The following IGFL4 variants were observed in gnomAD, a reference collection of about 807,000 sequenced individuals.
The protein encoded by IGFL4 is insulin growth factor-like family member 4.
In IGFL4, 12 loss-of-function variants were observed where a neutral mutation model predicts 15.4. The observed-to-expected ratio is 0.78, with a 90% CI of 0.50 to 1.26. IGFL4 has a LOEUF of 1.26. Ranked by LOEUF, IGFL4 falls within the 50% of genes most tolerant of loss-of-function variation. The pLI is 0.00. For missense variants in IGFL4, 126 were observed against 147.8 expected, an observed-to-expected ratio of 0.85 and a Z score of 0.76; for synonymous variants, 54 against 55.9, an observed-to-expected ratio of 0.97 and a Z score of 0.16.
intron 2 of IGFL4, among the ~76,000 whole-genome samples, chr19:46,053,044 C>G (rs1177375315): frequency 2.0e-5 from 3 of 151,334 alleles, no homozygotes; most frequent in African/African-American, 7.3e-5. Flanking sequence ...GGAGGCCCAT[C>G]TGTTTCTGTA....
intron 1 of IGFL4, among the ~76,000 whole-genome samples, chr19:46,064,750 A>G (rs888113087): frequency 3.3e-5 from 5 of 152,222 alleles, no homozygotes; most frequent in Non-Finnish European, 7.3e-5. Flanking sequence ...ACAGTGCTAC[A>G]ACAAATATGG....
intron 1 of IGFL4, among the ~76,000 whole-genome samples, chr19:46,072,205 G>T (rs933756380): frequency 8.5e-5 from 13 of 152,246 alleles, no homozygotes; most frequent in Admixed American, 1.3e-4. Context: ...AAGTCACAGA[G>T]TGAACACCTG....
chr19:46,063,396 C>G (rs1969465151), intron 1 of IGFL4, among the ~76,000 whole-genome samples: 1 of 151,736 alleles, frequency 6.6e-6, no homozygotes, highest in African/African-American at 2.4e-5. Context: ...TCTTTTATGT[C>G]ATCACTAACT....
chr19:46,075,680 T>C (rs1969589012), intron 1 of IGFL4, among the ~76,000 whole-genome samples: 1 of 152,200 alleles, frequency 6.6e-6, no homozygotes, highest in Non-Finnish European at 1.5e-5. Flanking sequence ...GTGGTATTTT[T>C]CTCCAGCGTA....
At chr19:46,068,854 A>G (rs1969519281) in intron 1 of IGFL4, among the ~76,000 whole-genome samples, 1 of 152,246 alleles carries the variant, frequency 6.6e-6, no homozygotes, top group South Asian at 2.1e-4. Flanking sequence ...GGATTTTGCA[A>G]AAGACACATT....
chr19:46,054,536 T>C (rs1434239065), intron 2 of IGFL4, among the ~76,000 whole-genome samples: 1 of 152,228 alleles, frequency 6.6e-6, no homozygotes, highest in African/African-American at 2.4e-5. Flanking sequence ...GGTCTGGTAG[T>C]GTGATGCTTC....
intron 2 of IGFL4, among the ~76,000 whole-genome samples, chr19:46,049,662 C>T (rs1197391118): frequency 6.6e-6 from 1 of 152,178 alleles, no homozygotes; most frequent in Non-Finnish European, 1.5e-5. Flanking sequence ...TAATGCTGCC[C>T]CCACCTGATT....
At chr19:46,056,756 TTACATC>T (rs1969396545) in intron 2 of IGFL4, among the ~76,000 whole-genome samples, 1 of 152,070 alleles carries the variant, frequency 6.6e-6, no homozygotes, top group Non-Finnish European at 1.5e-5. Context: ...GGAATTCTTT[TTACATC>T]TACCCAGCCA....
intron 1 of IGFL4, among the ~76,000 whole-genome samples, chr19:46,069,866 T>TA (rs1969529270): frequency 6.6e-6 from 1 of 152,222 alleles, no homozygotes; most frequent in Non-Finnish European, 1.5e-5. Context: ...GGGAAAAATC[T>TA]AAACAATAGA....
intron 1 of IGFL4, among the ~76,000 whole-genome samples, chr19:46,068,237 T>C (rs985738221): frequency 6.6e-6 from 1 of 152,130 alleles, no homozygotes; most frequent in Middle Eastern, 3.2e-3. Flanking sequence ...TCTCTTTATC[T>C]CTCCAGATGA....
At chr19:46,066,853 A>T (rs907978507) in intron 1 of IGFL4, among the ~76,000 whole-genome samples, 1 of 152,212 alleles carries the variant, frequency 6.6e-6, no homozygotes, top group African/African-American at 2.4e-5. Flanking sequence ...GAGGACATTC[A>T]ACCTATATCA....
In IGFL4 at chr19:46,040,861, G is replaced by C. The variant is rs1969235464; in HGVS notation, c.19+83C>G. ...GACACCAATAATTAAATAGGGAAGA[G>C]AGAATTAACTTTGAAGTTCAGAAAT... On this transcript the variant is annotated intron_variant, in intron 1 of 3. Coordinates refer to ENST00000377697, the MANE Select transcript of IGFL4 (RefSeq NM_001002923.3). The surrounding 1 kb of genome is among the most constrained non-coding windows in gnomAD (Gnocchi z 4.1). 4 of 1,284,472 alleles carry C rather than the reference G, an allele frequency of 3.1e-6. No individual in the cohort carries two copies. The highest frequency in any genetic ancestry group is 1.5e-5 in the African/African-American group (1 of 67,614). 79.6% of individuals were successfully genotyped at this position (1,284,472 alleles called of 1,614,324 possible).
upstream of IGFL4, among the ~76,000 whole-genome samples, chr19:46,043,098 T>C (rs1052113388): frequency 3.3e-5 from 5 of 152,188 alleles, no homozygotes; most frequent in African/African-American, 4.8e-5. Flanking sequence ...TAGATGGTTG[T>C]AGAATACAAA....
intron 1 of IGFL4, among the ~76,000 whole-genome samples, chr19:46,071,144 T>C (rs1969542181): frequency 1.3e-5 from 2 of 152,006 alleles, no homozygotes; most frequent in Non-Finnish European, 2.9e-5. Context: ...GTTTTTTTTT[T>C]TTTCTTTTTT....
intron 2 of IGFL4, chr19:46,060,082 G>A (rs1969430386): frequency 6.6e-6 from 1 of 152,112 alleles, no homozygotes. Context: ...TCAAAGCTTT[G>A]GTAAAATCAC....
At chr19:46,072,802 T>C (rs1309227153) in intron 1 of IGFL4, among the ~76,000 whole-genome samples, 1 of 152,056 alleles carries the variant, frequency 6.6e-6, no homozygotes, top group Non-Finnish European at 1.5e-5. Flanking sequence ...TGGCCCTGGG[T>C]TGACTTAGGG....
chr19:46,042,671 C>T (rs892302082), upstream of IGFL4, among the ~76,000 whole-genome samples: 2 of 152,236 alleles, frequency 1.3e-5, no homozygotes, highest in South Asian at 2.1e-4. Flanking sequence ...GAAAGAGCCA[C>T]AGGTGCCAGC....
rs1049501801 is a variant in IGFL4 at position 46,040,561 on chromosome 19, G to T, written c.27C>A (p.Ile9=). Reference sequence around the variant, plus strand: ...TTGAACCCAAAAGTTCAAAAATGAAGATGGCAGCTGAGAAGCAGAAGGAGA... The same window carrying T: ...TTGAACCCAAAAGTTCAAAAATGAATATGGCAGCTGAGAAGCAGAAGGAGA... MVPRISAA[I]FIFELLGSNS... The change falls in exon 2 of 4, where the codon ATC becomes ATA. Residue 9 remains isoleucine, a synonymous_variant. Transcript: ENST00000377697. The surrounding 1 kb of genome is among the most constrained non-coding windows in gnomAD (Gnocchi z 4.1). 1.9e-6 allele frequency: 3 copies of T among 1,613,910 alleles called. No homozygotes were observed. Among genetic ancestry groups the T allele is most frequent in the Admixed American group, 3.3e-5 (2 of 60,002 alleles).
At chr19:46,057,420 A>C (rs1389189564) in intron 2 of IGFL4, among the ~76,000 whole-genome samples, 2 of 152,198 alleles carry the variant, frequency 1.3e-5, no homozygotes. Context: ...TGTATCCAGA[A>C]ACATCAATGG....
Sources: allele counts gnomAD v4.1 joint callset (sites outside exome capture counted in the v4.1 genomes callset), GRCh38; gene constraint gnomAD v4.1.1; non-coding constraint Gnocchi (gnomAD v3.1); transcripts MANE v1.5; gene names NCBI Gene and HGNC (gene_info 2026-07-23, HGNC 2026-07-21).